PXDNL: variants seen among roughly 807,000 people sequenced by gnomAD.
The protein encoded by PXDNL is probable oxidoreductase PXDNL.
A neutral mutation model predicts 150.8 loss-of-function variants in PXDNL; 145 were observed. The ratio of observed to expected loss-of-function variants is 0.96; its 90% CI spans 0.84 to 1.10. The LOEUF is 1.10. PXDNL is among the 50% of genes least tolerant of loss of function. The probability of loss-of-function intolerance (pLI) is 0.00; values close to 1 mark genes in which losing one functional copy is unlikely to be tolerated. For synonymous variants in PXDNL, 757 were observed against 725.7 expected, an observed-to-expected ratio of 1.04 and a Z score of -0.69; for missense variants, 2,087 against 1,873.9, an observed-to-expected ratio of 1.11 and a Z score of -2.10.
At chr8:51,691,384 C>A (rs564761728) in intron 1 of PXDNL, among the ~76,000 whole-genome samples, 36 of 152,070 alleles carry the variant, frequency 2.4e-4, no homozygotes, top group African/African-American at 8.7e-4. Context: ...AGCTTTCTGC[C>A]TATGGCTAGC....
chr8:51,467,953 G>A (rs1296591965), intron 8 of PXDNL, among the ~76,000 whole-genome samples: 1 of 151,956 alleles, frequency 6.6e-6, no homozygotes, highest in Non-Finnish European at 1.5e-5. Context: ...TTTTTCTACT[G>A]AGAGACGTAA....
rs1471693361 is a variant in PXDNL, at chr8:51,675,972, A to C, written c.165-21212T>G. On this transcript the variant is annotated intron_variant, in intron 1 of 22. Coordinates refer to ENST00000356297, the MANE Select transcript of PXDNL (RefSeq NM_144651.5). Reference sequence around the variant, plus strand: ...ACCCATTACATCTCTTACAATTCTTATCTGGTCATCCATTGCATAACATTC... The same window carrying C: ...ACCCATTACATCTCTTACAATTCTTCTCTGGTCATCCATTGCATAACATTC... 3.3e-5 allele frequency among the ~76,000 whole-genome samples: 5 copies of C among 152,252 alleles called. No homozygotes were observed. The East Asian group carries it at 9.7e-4, about 29-fold the overall frequency.
At chr8:51,749,473 GTATCTAAACA>G (rs1328776500) in intron 1 of PXDNL, among the ~76,000 whole-genome samples, 6 of 151,904 alleles carry the variant, frequency 3.9e-5, no homozygotes, top group Non-Finnish European at 2.9e-5. Context: ...TAAGTATAGT[GTATCTAAACA>G]TATCTAAACA....
At chr8:51,612,384 G>A (rs1040096541) in intron 2 of PXDNL, among the ~76,000 whole-genome samples, 3 of 152,100 alleles carry the variant, frequency 2.0e-5, no homozygotes, top group Non-Finnish European at 2.9e-5. Flanking sequence ...AATCGCCATC[G>A]AAAAGCCCAC....
At chr8:51,441,565 A>C (rs1203314740) in intron 12 of PXDNL, among the ~76,000 whole-genome samples, 1 of 152,148 alleles carries the variant, frequency 6.6e-6, no homozygotes, top group Non-Finnish European at 1.5e-5. Flanking sequence ...AGTCAGTGCC[A>C]ATTTATTTTA....
chr8:51,612,716 G>A (rs1814040188), intron 2 of PXDNL, among the ~76,000 whole-genome samples: 1 of 152,206 alleles, frequency 6.6e-6, no homozygotes, highest in South Asian at 2.1e-4. Flanking sequence ...TTGGCAGCCT[G>A]CTTCCTGGAA....
intron 12 of PXDNL, among the ~76,000 whole-genome samples, chr8:51,441,048 G>C (rs1291387789): frequency 6.6e-6 from 1 of 152,168 alleles, no homozygotes; most frequent in Admixed American, 6.5e-5. Context: ...TAATTCCCAC[G>C]TGTCAAGGGC....
chr8:51,394,779 C>T (rs1456468849), intron 17 of PXDNL, among the ~76,000 whole-genome samples: 1 of 152,140 alleles, frequency 6.6e-6, no homozygotes, highest in Non-Finnish European at 1.5e-5. Context: ...CTTTTATTCT[C>T]AAAAATGCCC....
intron 4 of PXDNL, among the ~76,000 whole-genome samples, chr8:51,511,749 G>C (rs1489232480): frequency 6.6e-6 from 1 of 152,214 alleles, no homozygotes; most frequent in Non-Finnish European, 1.5e-5. Flanking sequence ...CCTTTCTAGG[G>C]AGAAGTGCCC....
intron 5 of PXDNL, among the ~76,000 whole-genome samples, chr8:51,487,478 C>T (rs1383414412): frequency 2.0e-5 from 3 of 151,600 alleles, no homozygotes; most frequent in Non-Finnish European, 4.4e-5. Context: ...CCAGTCTGGT[C>T]GACTCTGTGT....
In PXDNL at chr8:51,457,509, G is replaced by A; in HGVS notation, c.971C>T (p.Ser324Phe). The A allele has an allele frequency of 6.2e-7, 1 of 1,608,126 alleles. No individual in the cohort carries two copies. The highest frequency in any genetic ancestry group is 8.5e-7 in the Non-Finnish European group (1 of 1,177,928). Reference sequence around the variant, plus strand: ...AATAATAGTTTTACCTGGAAGACTGGAGTATCTGAGCATGGCACTCTGTGT... The same window carrying A: ...AATAATAGTTTTACCTGGAAGACTGAAGTATCTGAGCATGGCACTCTGTGT... Reference protein sequence around the residue: ...AKTQSAMLRYSSLPAKPSFVI... With the variant: ...AKTQSAMLRYFSLPAKPSFVI... Residue 324 changes from serine to phenylalanine, a missense_variant, in exon 9 of 23, where the codon TCC becomes TTC. Ser to Phe is a radical substitution (Grantham distance 155). Coordinates refer to ENST00000356297, the MANE Select transcript of PXDNL (RefSeq NM_144651.5).
chr8:51,339,611 A>G lies in PXDNL; in HGVS notation c.4146+13T>C, dbSNP rs11778598. 392,660 of 1,608,822 alleles carry G rather than the reference A, an allele frequency of 0.24. 49,932 individuals are homozygous for G. The highest frequency in any genetic ancestry group is 0.35 in the African/African-American group (26,419 of 74,714). On this transcript the variant is annotated intron_variant, in intron 21 of 22. Transcript: ENST00000356297. ...CATACAATAAGGACATGTTATTTGA[A>G]GAGAAAACAAACCTGCTCTCTGAGT...
intron 17 of PXDNL, among the ~76,000 whole-genome samples, chr8:51,403,804 G>C (rs1808345455): frequency 6.6e-6 from 1 of 152,162 alleles, no homozygotes; most frequent in Non-Finnish European, 1.5e-5. Flanking sequence ...GTGGTGATTA[G>C]GTCATGATGT....
chr8:51,766,951 T>G (rs2037238462), intron 1 of PXDNL, among the ~76,000 whole-genome samples: 1 of 152,156 alleles, frequency 6.6e-6, no homozygotes, highest in Admixed American at 6.5e-5. Context: ...ATGTGTATGT[T>G]GGTGCCCTTG....
At chr8:51,464,975 T>C (rs2130049432) in intron 8 of PXDNL, among the ~76,000 whole-genome samples, 1 of 152,278 alleles carries the variant, frequency 6.6e-6, no homozygotes, top group African/African-American at 2.4e-5. Flanking sequence ...TTACCTGACA[T>C]ACAAAGAAGA....
chr8:51,579,482 C>T (rs1359834739), intron 3 of PXDNL, among the ~76,000 whole-genome samples: 2 of 152,010 alleles, frequency 1.3e-5, no homozygotes, highest in Non-Finnish European at 2.9e-5. Flanking sequence ...AACTGGATCA[C>T]ATACTGGTGA....
chr8:51,600,861 G>C (rs1332270582), intron 2 of PXDNL, among the ~76,000 whole-genome samples: 1 of 135,646 alleles, frequency 7.4e-6, no homozygotes, highest in Non-Finnish European at 1.5e-5. Flanking sequence ...AAATTATATA[G>C]TTTAGATAAT....
chr8:51,715,749 G>A (rs147347964), intron 1 of PXDNL, among the ~76,000 whole-genome samples: 15 of 152,262 alleles, frequency 9.9e-5, no homozygotes, highest in Non-Finnish European at 1.9e-4. Context: ...GGAGGTACCA[G>A]GTGTCAGCTG....
intron 6 of PXDNL, among the ~76,000 whole-genome samples, chr8:51,475,638 T>A (rs185683161): frequency 2.2e-4 from 33 of 152,272 alleles, no homozygotes; most frequent in Admixed American, 2.0e-3. Flanking sequence ...TAGTTTCAAC[T>A]TTTATTCTAG....
Sources: gnomAD v4.1 joint callset for allele counts (sites outside exome capture counted in the v4.1 genomes callset) on GRCh38, gnomAD v4.1.1 for gene constraint, MANE v1.5 for transcripts, NCBI Gene and HGNC (gene_info 2026-07-23, HGNC 2026-07-21) for gene names.